Variants in TBC1D2B observed in about 807,000 individuals in gnomAD.
The protein encoded by TBC1D2B is TBC1 domain family member 2B, also known as TBC1 domain family, member 2B.
A neutral mutation model predicts 100.8 loss-of-function variants in TBC1D2B; 64 were observed. That is an observed-to-expected ratio of 0.64 (90% CI 0.52 to 0.78). TBC1D2B has a LOEUF of 0.78. Ranked by LOEUF, TBC1D2B falls within the 30% of genes least tolerant of loss-of-function variation. The pLI is 0.00. For missense variants in TBC1D2B, 1,052 were observed against 1,218.4 expected (o/e 0.86, Z 2.03); for synonymous variants, 480 against 479.7 (o/e 1.00, Z -0.01).
chr15:78,010,207 T>G (rs574191467), intron 9 of TBC1D2B, among the ~76,000 whole-genome samples: 2 of 152,174 alleles, frequency 1.3e-5, no homozygotes, highest in Non-Finnish European at 2.9e-5. Flanking sequence ...GCCCACTGCA[T>G]GCACAGCAGG....
chr15:78,076,700 G>A, intron 1 of TBC1D2B, among the ~76,000 whole-genome samples: 2 of 152,134 alleles, frequency 1.3e-5, no homozygotes, highest in East Asian at 3.9e-4. Flanking sequence ...GCAGTGAGCC[G>A]AGATCGCACC....
chr15:78,066,910 C>T (rs1191971355), intron 1 of TBC1D2B, among the ~76,000 whole-genome samples: 1 of 152,218 alleles, frequency 6.6e-6, no homozygotes, highest in Non-Finnish European at 1.5e-5. Context: ...CCTATCAAGT[C>T]AACCCCCACT....
chr15:78,045,129 C>T (rs1436277941), intron 2 of TBC1D2B, 61 bp from the exon 3 acceptor site: 1 of 1,444,266 alleles, frequency 6.9e-7, no homozygotes, highest in African/African-American at 1.4e-5. Flanking sequence ...CTTGACATCC[C>T]ACATAAAACA....
chr15:78,035,994 T>G (rs1490205870), intron 3 of TBC1D2B, among the ~76,000 whole-genome samples: 1 of 152,200 alleles, frequency 6.6e-6, no homozygotes, highest in Non-Finnish European at 1.5e-5. Context: ...ACAGCTTTGG[T>G]GCAAGTGGGC....
At chr15:78,029,118 G>A (rs1184156929) in intron 4 of TBC1D2B, among the ~76,000 whole-genome samples, 3 of 151,070 alleles carry the variant, frequency 2.0e-5, no homozygotes, top group Admixed American at 6.6e-5. Context: ...GTGCAGTGGC[G>A]CGATCTCCAC....
At chr15:78,016,122 T>C (rs1451388898) in intron 8 of TBC1D2B, among the ~76,000 whole-genome samples, 9 of 152,194 alleles carry the variant, frequency 5.9e-5, no homozygotes, top group Admixed American at 4.6e-4. Context: ...AGATCCATCA[T>C]TGGCTTCCAG....
At chr15:78,009,156 C>G (rs947304929) in intron 9 of TBC1D2B, 42 bp from the exon 10 acceptor site, 2 of 1,392,816 alleles carry the variant, frequency 1.4e-6, no homozygotes. Context: ...CAGGCACAGA[C>G]AGCTGCTACT....
At chr15:78,009,237 A>T in intron 9 of TBC1D2B, 123 bp from the exon 10 acceptor site, 2 of 655,406 alleles carry the variant, frequency 3.1e-6, no homozygotes, top group South Asian at 3.8e-5. Context: ...CTAGTTCTCC[A>T]ATAAAGAATA....
At position 78,062,133 on chromosome 15, in the gene TBC1D2B, GCCGTCTC is replaced by G. The variant is rs528962958; in HGVS notation, c.361-7953_361-7947del. 3.9e-5 allele frequency among the ~76,000 whole-genome samples: 6 copies of G among 152,304 alleles called. No individual in the cohort carries two copies. The South Asian group carries it at 1.2e-3, about 32-fold the overall frequency. On this transcript the variant is annotated intron_variant, in intron 1 of 12. Coordinates refer to ENST00000300584, the MANE Select transcript of TBC1D2B (RefSeq NM_144572.2). ...GCTTCTCCCACGGGCAACCCTGCAA[GCCGTCTC>G]CAGGCAGCAGGGAGTCACTGATTAT...
chr15:78,003,251 G>A, intron 11 of TBC1D2B, 54 bp downstream of exon 11: 1 of 1,545,782 alleles, frequency 6.5e-7, no homozygotes, highest in Admixed American at 1.7e-5. Context: ...CACCAACGCT[G>A]CTGACGGTTG....
chr15:78,045,184 AT>A, intron 2 of TBC1D2B, 116 bp from the exon 3 acceptor site: 1 of 899,158 alleles, frequency 1.1e-6, no homozygotes, highest in Non-Finnish European at 1.6e-6. Context: ...GTAATAGTAT[AT>A]TTTTAATGTA....
intron 6 of TBC1D2B, among the ~76,000 whole-genome samples, chr15:78,022,567 C>T (rs966595354): frequency 8.6e-5 from 13 of 151,622 alleles, no homozygotes; most frequent in Non-Finnish European, 1.6e-4. Context: ...TTTCTTGCAA[C>T]GGGGTCTCAC....
At position 78,016,527 on chromosome 15, in the gene TBC1D2B, C is replaced by A; in HGVS notation, c.1775+19G>T. On this transcript the variant is annotated intron_variant, in intron 8 of 12. Coordinates refer to ENST00000300584, the MANE Select transcript of TBC1D2B (RefSeq NM_144572.2). ...CAGAAATGGGGTGCACTACCCTCAACAGTCACTAGCACATTTACCTGACAA... is the reference window on the plus strand; with the variant it reads ...CAGAAATGGGGTGCACTACCCTCAAAAGTCACTAGCACATTTACCTGACAA... 1 of 1,609,570 alleles carries A rather than the reference C, an allele frequency of 6.2e-7. No homozygotes were observed. Among genetic ancestry groups the A allele is most frequent in the Non-Finnish European group, 8.5e-7 (1 of 1,178,396 alleles).
intron 6 of TBC1D2B, among the ~76,000 whole-genome samples, chr15:78,018,344 C>T (rs2072428808): frequency 6.6e-6 from 1 of 151,896 alleles, no homozygotes; most frequent in African/African-American, 2.4e-5. Context: ...ACTAGAGAAA[C>T]TGAACATATT....
intron 1 of TBC1D2B, among the ~76,000 whole-genome samples, chr15:78,065,511 GT>G (rs2141836200): frequency 6.6e-6 from 1 of 152,310 alleles, no homozygotes; most frequent in Non-Finnish European, 1.5e-5. Context: ...AATACTTTCT[GT>G]TTCAGAGAGA....
At chr15:78,073,521 G>A (rs1291321359) in intron 1 of TBC1D2B, among the ~76,000 whole-genome samples, 2 of 152,100 alleles carry the variant, frequency 1.3e-5, no homozygotes, top group Admixed American at 1.3e-4. Context: ...TCTATGGCTG[G>A]GCAGCCCTAA....
chr15:78,003,166 G>C (rs1204634534), intron 11 of TBC1D2B, 139 bp downstream of exon 11: 2 of 674,784 alleles, frequency 3.0e-6, no homozygotes, highest in African/African-American at 3.6e-5. Flanking sequence ...CCCAGATCTA[G>C]TGCAGGCCGT....
chr15:78,045,056 G>A lies in TBC1D2B; in HGVS notation c.527C>T (p.Pro176Leu). The change falls in exon 3 of 13, where the codon CCA becomes CTA. Residue 176 changes from proline to leucine, a missense_variant. This residue lies in a region of TBC1D2B where 627 missense variants were observed against 646.1 expected (regional missense o/e 0.97). Transcript: ENST00000300584. Reference protein sequence around the residue: ...VARDNTDLIYPHPNASAEKAR... With the variant: ...VARDNTDLIYLHPNASAEKAR... ...TTTTTCTGCAGAAGCATTTGGGTGT[G>A]GGTAAATTAAATCTGAAAAAAAAGG... 1 of 1,598,158 alleles carries A rather than the reference G, an allele frequency of 6.3e-7. No individual in the cohort carries two copies. Among genetic ancestry groups the A allele is most frequent in the Non-Finnish European group, 8.5e-7 (1 of 1,171,692 alleles).
Position 78,003,357 on chromosome 15 carries a change from A to T in TBC1D2B, c.2522T>A (p.Val841Asp). 6.2e-7 allele frequency: 1 copy of T among 1,613,918 alleles called. No individual in the cohort carries two copies. Among genetic ancestry groups the T allele is most frequent in the East Asian group, 2.2e-5 (1 of 44,886 alleles). The part of the protein sequence containing the change: ...WFLVVFVDSV[V>D]SDILFKIWDS... ...CCATATTTTAAAGAGGATGTCACTA[A>T]CGACACTATCCACAAATACCACCAG... Residue 841 changes from valine to aspartate, a missense_variant, in exon 11 of 13, where the codon GTT becomes GAT. Transcript: ENST00000300584.
Sources: allele counts gnomAD v4.1 joint callset (sites outside exome capture counted in the v4.1 genomes callset), GRCh38; gene constraint gnomAD v4.1.1; regional missense constraint gnomAD v4.1.1; transcripts MANE v1.5; gene names NCBI Gene and HGNC (gene_info 2026-07-23, HGNC 2026-07-21).